NAA11: variants seen among roughly 807,000 people sequenced by gnomAD.
NAA11 encodes N-alpha-acetyltransferase 11, NatA catalytic subunit.
A neutral mutation model predicts 16.1 loss-of-function variants in NAA11; 15 were observed. That is an observed-to-expected ratio of 0.93 (90% CI 0.62 to 1.44). The LOEUF (loss-of-function observed/expected upper bound fraction) is 1.44, where lower values mean the gene tolerates loss of function less well. Among genes scored for constraint, NAA11 ranks in the 40% most tolerant of loss-of-function variants. The pLI is 0.00. For synonymous variants in NAA11, 122 were observed against 112.4 expected (o/e 1.09, Z -0.54); for missense variants, 298 against 291.3 (o/e 1.02, Z -0.17).
the NAA11 span, among the ~76,000 whole-genome samples, chr4:79,168,558 C>G: frequency 6.6e-6 from 1 of 152,118 alleles, no homozygotes; most frequent in Admixed American, 6.6e-5. Flanking sequence ...TTAATGATTA[C>G]TATTCGAACT....
intron 2 of NAA11, among the ~76,000 whole-genome samples, chr4:79,265,171 AT>A (rs1417228772): frequency 6.6e-6 from 1 of 152,082 alleles, no homozygotes; most frequent in African/African-American, 2.4e-5. Context: ...TTATCAACAA[AT>A]CCTATTGGCT....
chr4:79,175,049 C>T, the NAA11 span, among the ~76,000 whole-genome samples: 1 of 152,138 alleles, frequency 6.6e-6, no homozygotes, highest in African/African-American at 2.4e-5. Context: ...CCATCACATG[C>T]TGCCCCTGTG....
At chr4:79,305,521 A>C (rs988893083) in intron 1 of NAA11, among the ~76,000 whole-genome samples, 2 of 152,180 alleles carry the variant, frequency 1.3e-5, no homozygotes, top group Non-Finnish European at 2.9e-5. Context: ...CCTTCTTCCT[A>C]AGCTGTGCAT....
downstream of NAA11, among the ~76,000 whole-genome samples, chr4:79,315,447 CA>C (rs1167790411): frequency 6.6e-6 from 1 of 152,158 alleles, no homozygotes; most frequent in Non-Finnish European, 1.5e-5. Context: ...ACTAGGAACT[CA>C]CAGGCTTCAT....
At chr4:79,159,608 T>G in the NAA11 span, among the ~76,000 whole-genome samples, 12 of 152,320 alleles carry the variant, frequency 7.9e-5, no homozygotes, top group South Asian at 2.5e-3. Flanking sequence ...TACTATACTA[T>G]TAGGTTGGTG....
rs1164766908 is a variant in NAA11 at position 79,317,056 on chromosome 4, C to T, written c.*748G>A. 2 of 152,170 alleles carry T rather than the reference C, an allele frequency of 1.3e-5. No individual in the cohort carries two copies. The highest frequency in any genetic ancestry group is 2.9e-5 in the Non-Finnish European group (2 of 68,032). The allele number at this position is 152,170 out of a possible 1,614,324, so 9.4% of individuals were successfully genotyped here. On this transcript the variant is annotated 3_prime_UTR_variant, in exon 2 of 2. Transcript: ENST00000286794. ...AAGGCTCCAGCATTGTGTGTGAACACTGCAGGTACTCAATAAATGCCAAGT... is the reference window on the plus strand; with the variant it reads ...AAGGCTCCAGCATTGTGTGTGAACATTGCAGGTACTCAATAAATGCCAAGT...
At chr4:79,301,251 A>G (rs1300156833) in intron 1 of NAA11, among the ~76,000 whole-genome samples, 1 of 152,170 alleles carries the variant, frequency 6.6e-6, no homozygotes, top group African/African-American at 2.4e-5. Context: ...ATTTGATCAG[A>G]ATATCCTCCC....
the NAA11 span, among the ~76,000 whole-genome samples, chr4:79,216,760 G>C: frequency 6.6e-6 from 1 of 152,082 alleles, no homozygotes; most frequent in Non-Finnish European, 1.5e-5. Flanking sequence ...ACCAGAACTT[G>C]ACTTCATGAG....
chr4:79,180,178 A>T, the NAA11 span, among the ~76,000 whole-genome samples: 2 of 152,018 alleles, frequency 1.3e-5, no homozygotes, highest in Admixed American at 1.3e-4. Context: ...TCTTTAAATT[A>T]ATTTGTTGTA....
chr4:79,283,600 T>C (rs1307846474), intron 2 of NAA11, among the ~76,000 whole-genome samples: 5 of 144,260 alleles, frequency 3.5e-5, no homozygotes, highest in Non-Finnish European at 6.2e-5. Context: ...AAGAAAATAA[T>C]GGAACAAATT....
intron 2 of NAA11, among the ~76,000 whole-genome samples, chr4:79,289,215 A>C (rs940361058): frequency 1.3e-5 from 2 of 152,220 alleles, no homozygotes; most frequent in African/African-American, 4.8e-5. Context: ...TGTGGATTTC[A>C]AATTCCCTCT....
chr4:79,233,056 G>T (rs1398571945), intron 2 of NAA11, among the ~76,000 whole-genome samples: 1 of 151,906 alleles, frequency 6.6e-6, no homozygotes, highest in Non-Finnish European at 1.5e-5. Flanking sequence ...TACAATGTCT[G>T]CCACGTGTCT....
chr4:79,167,707 G>A, the NAA11 span, among the ~76,000 whole-genome samples: 2 of 152,100 alleles, frequency 1.3e-5, no homozygotes, highest in East Asian at 3.9e-4. Context: ...TCCACAGGCT[G>A]TACAGGAAGC....
chr4:79,223,742 CA>C (rs1721246263), downstream of NAA11, among the ~76,000 whole-genome samples: 2 of 150,640 alleles, frequency 1.3e-5, no homozygotes, highest in Admixed American at 1.3e-4. Context: ...GCTCAAAAGT[CA>C]CTTGAAATAA....
At chr4:79,310,002 A>G (rs1723721459) in intron 1 of NAA11, among the ~76,000 whole-genome samples, 2 of 152,134 alleles carry the variant, frequency 1.3e-5, no homozygotes, top group Admixed American at 1.3e-4. Context: ...GGCGTGAGCC[A>G]CCGCACCCTG....
chr4:79,219,667 T>C, the NAA11 span, among the ~76,000 whole-genome samples: 1 of 152,204 alleles, frequency 6.6e-6, no homozygotes, highest in African/African-American at 2.4e-5. Context: ...TGATCACATA[T>C]ATACCTCCAT....
At chr4:79,195,816 C>T in the NAA11 span, 1 of 152,120 alleles carries the variant, frequency 6.6e-6, no homozygotes, top group Non-Finnish European at 1.5e-5. Flanking sequence ...TTATAAGGGG[C>T]TTTTCACCCT....
chr4:79,194,396 G>A, the NAA11 span, among the ~76,000 whole-genome samples: 13 of 152,046 alleles, frequency 8.6e-5, no homozygotes, highest in Non-Finnish European at 1.6e-4. Flanking sequence ...GTACAACATA[G>A]TGTGTTGAAT....
At chr4:79,281,756 G>C (rs1000118580) in intron 2 of NAA11, among the ~76,000 whole-genome samples, 1 of 152,072 alleles carries the variant, frequency 6.6e-6, no homozygotes, top group African/African-American at 2.4e-5. Flanking sequence ...CTATCAGGCT[G>C]TCCAAGGGAG....
Sources: gnomAD v4.1 joint callset for allele counts (sites outside exome capture counted in the v4.1 genomes callset) on GRCh38, gnomAD v4.1.1 for gene constraint, MANE v1.5 for transcripts, NCBI Gene and HGNC (gene_info 2026-07-23, HGNC 2026-07-21) for gene names.